The following FGF1 variants were observed in gnomAD, a reference collection of about 807,000 sequenced individuals.
FGF1 encodes fibroblast growth factor 1.
FGF1 carries 9 observed loss-of-function variants against 13.4 expected under a neutral mutation model. The ratio of observed to expected loss-of-function variants is 0.67; its 90% confidence interval spans 0.40 to 1.17. The LOEUF (loss-of-function observed/expected upper bound fraction) is 1.17. Among genes scored for constraint, FGF1 ranks in the 50% most tolerant of loss-of-function variants. The pLI is 0.01. For synonymous variants in FGF1, 93 were observed against 79.0 expected (o/e 1.18, Z -0.94); for missense variants, 156 against 192.7 (o/e 0.81, Z 1.13).
At chr5:142,624,066 C>T (rs1004825275) in intron 1 of FGF1, among the ~76,000 whole-genome samples, 2 of 152,090 alleles carry the variant, frequency 1.3e-5, no homozygotes, top group Non-Finnish European at 2.9e-5. Context: ...AATACAGGCA[C>T]CCGCTACCAT....
intron 2 of FGF1, among the ~76,000 whole-genome samples, chr5:142,694,157 A>G (rs1026469228): frequency 6.6e-6 from 1 of 150,954 alleles, no homozygotes; most frequent in Non-Finnish European, 1.5e-5. Flanking sequence ...GCCTCTCTGT[A>G]TATATGTATT....
intron 1 of FGF1, among the ~76,000 whole-genome samples, chr5:142,640,261 A>G (rs1318597060): frequency 6.6e-6 from 1 of 151,996 alleles, no homozygotes; most frequent in Non-Finnish European, 1.5e-5. Flanking sequence ...AAGAAAAGCA[A>G]AGACCCTGCT....
At chr5:142,689,694 GTTT>G (rs5871823), upstream of FGF1, among the ~76,000 whole-genome samples, 1,222 of 115,464 alleles carry the variant, frequency 0.011, 19 homozygotes, top group African/African-American at 0.039. Flanking sequence ...CTCGATCCTA[GTTT>G]TTTTTTTTTT....
chr5:142,596,415 G>A (rs1755267196), intron 3 of FGF1, among the ~76,000 whole-genome samples: 1 of 149,482 alleles, frequency 6.7e-6, no homozygotes, highest in South Asian at 2.1e-4. Context: ...GGCCAGTCTG[G>A]GCAACATAGC....
chr5:142,651,993 G>A (rs562748975), intron 1 of FGF1, among the ~76,000 whole-genome samples: 10 of 152,142 alleles, frequency 6.6e-5, no homozygotes, highest in South Asian at 2.1e-4. Context: ...CGTACCATGC[G>A]CTCTATTAAA....
rs1760357466 is a variant in FGF1, at chr5:142,616,869, A to AT, written c.-34-2709dup. ...AGGTAATGATTTTTTTCTTTCATTTATTTTTTCCAAGCACTTCCTAAGTTA... is the reference window on the plus strand; with the variant it reads ...AGGTAATGATTTTTTTCTTTCATTTATTTTTTTCCAAGCACTTCCTAAGTTA... On this transcript the variant is annotated intron_variant, in intron 1 of 3. Coordinates refer to ENST00000337706, the MANE Select transcript of FGF1 (RefSeq NM_000800.5). Among the ~76,000 whole-genome samples, 3 of 152,180 alleles carry AT rather than the reference A, an allele frequency of 2.0e-5. No individual in the cohort carries two copies. The South Asian group carries it at 6.2e-4, about 32-fold the overall frequency.
In FGF1 at chr5:142,600,806, C is replaced by G; in HGVS notation, c.170-1G>C. On this transcript the variant is annotated splice_acceptor_variant, in intron 2 of 3. Coordinates refer to ENST00000337706, the MANE Select transcript of FGF1 (RefSeq NM_000800.5). LOFTEE classifies it high-confidence loss of function. ...CTTTCCGCACTGAGCTGCAGCTGAA[C>G]TGGAATAAAAATAACACGAGCAAAA... 3 of 1,607,088 alleles carry G rather than the reference C, an allele frequency of 1.9e-6. No homozygotes were observed. The South Asian group carries it at 3.3e-5, about 18-fold the overall frequency.
chr5:142,597,296 G>C (rs1216112589), intron 3 of FGF1, among the ~76,000 whole-genome samples: 1 of 152,210 alleles, frequency 6.6e-6, no homozygotes, highest in Non-Finnish European at 1.5e-5. Flanking sequence ...CTGTATTTTT[G>C]AGGATGGTCT....
At chr5:142,619,628 C>G (rs1219292090) in intron 1 of FGF1, among the ~76,000 whole-genome samples, 4 of 152,064 alleles carry the variant, frequency 2.6e-5, no homozygotes, top group Non-Finnish European at 4.4e-5. Context: ...CTGTGCTTAT[C>G]TTCGTGACCA....
At chr5:142,630,636 C>T (rs1286350906) in intron 1 of FGF1, among the ~76,000 whole-genome samples, 1 of 152,182 alleles carries the variant, frequency 6.6e-6, no homozygotes, top group African/African-American at 2.4e-5. Flanking sequence ...ATTCCAGCCA[C>T]TGCATGTACC....
chr5:142,686,680 C>T (rs957869161), upstream of FGF1, among the ~76,000 whole-genome samples: 13 of 152,138 alleles, frequency 8.5e-5, no homozygotes, highest in South Asian at 4.2e-4. Flanking sequence ...TGTATGTGTG[C>T]GTGTGTGTGT....
chr5:142,603,314 A>G (rs1275649213), intron 2 of FGF1, among the ~76,000 whole-genome samples: 1 of 151,940 alleles, frequency 6.6e-6, no homozygotes, highest in Non-Finnish European at 1.5e-5. Context: ...CAGCCTAAAT[A>G]TCCTAAAAGA....
chr5:142,596,467 G>A (rs373452064), intron 3 of FGF1, among the ~76,000 whole-genome samples: 12 of 146,944 alleles, frequency 8.2e-5, no homozygotes, highest in African/African-American at 3.0e-4. Context: ...AATTAGCTAG[G>A]TGCCATGGTG....
At chr5:142,671,596 TC>T (rs1218653349) in intron 1 of FGF1, among the ~76,000 whole-genome samples, 3 of 152,244 alleles carry the variant, frequency 2.0e-5, no homozygotes, top group Admixed American at 1.3e-4. Flanking sequence ...ACTTTAACAC[TC>T]CCCTCCTTCA....
intron 2 of FGF1, among the ~76,000 whole-genome samples, chr5:142,607,407 A>G (rs1757923036): frequency 6.6e-6 from 1 of 152,248 alleles, no homozygotes; most frequent in African/African-American, 2.4e-5. Flanking sequence ...CAAGTATCCC[A>G]GGGATGAAGG....
At chr5:142,634,121 A>G (rs1763852732) in intron 1 of FGF1, among the ~76,000 whole-genome samples, 1 of 142,860 alleles carries the variant, frequency 7.0e-6, no homozygotes, top group Non-Finnish European at 1.5e-5. Context: ...TGAATCCGGG[A>G]GGCGGAGCTT....
At chr5:142,660,038 C>A (rs568529270) in intron 1 of FGF1, among the ~76,000 whole-genome samples, 1 of 152,202 alleles carries the variant, frequency 6.6e-6, no homozygotes, top group African/African-American at 2.4e-5. Flanking sequence ...CTGAGCTGAC[C>A]GGTCCATAAA....
intron 1 of FGF1, among the ~76,000 whole-genome samples, chr5:142,670,810 A>G (rs1771319027): frequency 1.3e-5 from 2 of 152,220 alleles, no homozygotes; most frequent in Non-Finnish European, 2.9e-5. Flanking sequence ...TTGCCTTACA[A>G]TCACATGTGT....
chr5:142,675,278 AC>A (rs1772319965), intron 1 of FGF1, among the ~76,000 whole-genome samples: 2 of 152,066 alleles, frequency 1.3e-5, no homozygotes, highest in Admixed American at 1.3e-4. Context: ...AGGCCTAACG[AC>A]CCAGGGGAGC....
Sources: gnomAD v4.1 joint callset for allele counts (sites outside exome capture counted in the v4.1 genomes callset) on GRCh38, gnomAD v4.1.1 for gene constraint, MANE v1.5 for transcripts, NCBI Gene and HGNC (gene_info 2026-07-23, HGNC 2026-07-21) for gene names.